The following TPST1 variants were observed in gnomAD, a reference collection of about 807,000 sequenced individuals.
The protein encoded by TPST1 is protein-tyrosine sulfotransferase 1.
A neutral mutation model predicts 34.8 loss-of-function variants in TPST1; 20 were observed. The ratio of observed to expected loss-of-function variants is 0.57; its 90% CI spans 0.40 to 0.84. The LOEUF is 0.84. TPST1 is among the 40% of genes least tolerant of loss of function. The pLI is 0.00. For missense variants in TPST1, 353 were observed against 455.5 expected, an observed-to-expected ratio of 0.78 and a Z score of 2.05; for synonymous variants, 152 against 159.4, an observed-to-expected ratio of 0.95 and a Z score of 0.35.
At chr7:66,267,832 T>C (rs1289989414) in intron 2 of TPST1, among the ~76,000 whole-genome samples, 3 of 152,168 alleles carry the variant, frequency 2.0e-5, no homozygotes, top group Non-Finnish European at 4.4e-5. Context: ...GGAACATATA[T>C]TGGGGGAGGG....
chr7:66,323,192 T>A (rs1047316198), intron 3 of TPST1, among the ~76,000 whole-genome samples: 3 of 152,164 alleles, frequency 2.0e-5, no homozygotes, highest in Non-Finnish European at 2.9e-5. Flanking sequence ...ATTGTGTTTC[T>A]TTAGAGTTGA....
chr7:66,212,683 C>T (rs952681318), intron 1 of TPST1, among the ~76,000 whole-genome samples: 10 of 152,112 alleles, frequency 6.6e-5, no homozygotes, highest in East Asian at 1.9e-4. Context: ...TGGTCTCGAA[C>T]GCCTGACCTC....
chr7:66,358,227 G>C (rs1489771460), intron 5 of TPST1, among the ~76,000 whole-genome samples: 2 of 151,968 alleles, frequency 1.3e-5, no homozygotes, highest in East Asian at 3.8e-4. Context: ...TAGCCTGGGT[G>C]ACAGAGCGAG....
At chr7:66,310,732 A>T (rs1332247528) in intron 3 of TPST1, among the ~76,000 whole-genome samples, 1 of 152,156 alleles carries the variant, frequency 6.6e-6, no homozygotes, top group African/African-American at 2.4e-5. Flanking sequence ...CTAATACCAT[A>T]CTGGGTAAAT....
intron 2 of TPST1, among the ~76,000 whole-genome samples, chr7:66,244,704 T>C (rs1168955420): frequency 6.6e-6 from 1 of 152,212 alleles, no homozygotes; most frequent in Non-Finnish European, 1.5e-5. Flanking sequence ...ATTAAACTCA[T>C]TATGATACCA....
chr7:66,302,821 C>G (rs1455730229), intron 3 of TPST1, among the ~76,000 whole-genome samples: 1 of 152,162 alleles, frequency 6.6e-6, no homozygotes, highest in Non-Finnish European at 1.5e-5. Context: ...GAGCAGTGGT[C>G]TTTTGGGATC....
chr7:66,232,752 T>C (rs1171105492), intron 1 of TPST1, among the ~76,000 whole-genome samples: 2 of 152,218 alleles, frequency 1.3e-5, no homozygotes, highest in Non-Finnish European at 2.9e-5. Flanking sequence ...ATCTCCCACA[T>C]CAGCAGTAAC....
intron 3 of TPST1, among the ~76,000 whole-genome samples, chr7:66,348,263 G>C (rs533018898): frequency 6.6e-6 from 1 of 152,238 alleles, no homozygotes; most frequent in Non-Finnish European, 1.5e-5. Context: ...CCATACTACA[G>C]TCTAAACAGA....
At chr7:66,211,401 G>A (rs62465545) in intron 1 of TPST1, among the ~76,000 whole-genome samples, 5,531 of 152,268 alleles carry the variant, frequency 0.036, 153 homozygotes, top group East Asian at 0.079. Flanking sequence ...AAAGTGCTGG[G>A]ATTACAGGTG....
intron 2 of TPST1, among the ~76,000 whole-genome samples, chr7:66,268,964 G>A (rs534945477): frequency 9.9e-5 from 15 of 152,148 alleles, no homozygotes; most frequent in South Asian, 2.1e-4. Flanking sequence ...GTTACAGGGC[G>A]TGAGCCACCA....
intron 3 of TPST1, among the ~76,000 whole-genome samples, chr7:66,329,353 T>A (rs1393731475): frequency 6.6e-6 from 1 of 152,198 alleles, no homozygotes; most frequent in African/African-American, 2.4e-5. Flanking sequence ...AATACCTATA[T>A]ACCCTAACAG....
At chr7:66,230,742 G>T (rs185837924) in intron 1 of TPST1, among the ~76,000 whole-genome samples, 1 of 152,238 alleles carries the variant, frequency 6.6e-6, no homozygotes, top group South Asian at 2.1e-4. Flanking sequence ...GGACCCGAGC[G>T]GGTTGCCACT....
intron 1 of TPST1, among the ~76,000 whole-genome samples, chr7:66,214,799 T>C (rs1359813512): frequency 6.7e-6 from 1 of 149,970 alleles, no homozygotes; most frequent in Admixed American, 6.7e-5. Flanking sequence ...TGTGAGACCC[T>C]GCCTAAAAAA....
intron 3 of TPST1, among the ~76,000 whole-genome samples, chr7:66,309,390 A>C (rs1053506983): frequency 5.9e-5 from 9 of 152,258 alleles, no homozygotes; most frequent in African/African-American, 2.2e-4. Context: ...AATTTGACCA[A>C]GTCCAACGTT....
At chr7:66,315,925 A>G (rs1791623751) in intron 3 of TPST1, among the ~76,000 whole-genome samples, 1 of 152,170 alleles carries the variant, frequency 6.6e-6, no homozygotes, top group African/African-American at 2.4e-5. Context: ...AGCCTGACCA[A>G]CATGGAGAAA....
rs560784868 is a variant in TPST1, at chr7:66,295,785, C to T, written c.1044+9076C>T. 1.6e-4 allele frequency among the ~76,000 whole-genome samples: 25 copies of T among 152,204 alleles called. No homozygotes were observed. In the East Asian group the frequency reaches 1.7e-3, roughly 11 times the overall value. On this transcript the variant is annotated intron_variant, in intron 3 of 5. Coordinates refer to ENST00000304842, the MANE Select transcript of TPST1 (RefSeq NM_003596.4). ...CAGGTGGGATTATAGGCACATGCTA[C>T]CACGCCTGGCTAATTTTTTTTAATT...
At chr7:66,202,358 G>A (rs1438451801), upstream of TPST1, among the ~76,000 whole-genome samples, 1 of 152,172 alleles carries the variant, frequency 6.6e-6, no homozygotes, top group African/African-American at 2.4e-5. Flanking sequence ...TGCTCAGTGA[G>A]ACATCCTGCC....
At chr7:66,228,217 C>G (rs531937852) in intron 1 of TPST1, among the ~76,000 whole-genome samples, 1 of 152,116 alleles carries the variant, frequency 6.6e-6, no homozygotes, top group Non-Finnish European at 1.5e-5. Flanking sequence ...ATGTAGAAGG[C>G]TTTCATGTTA....
chr7:66,213,879 T>C (rs934486772), intron 1 of TPST1, among the ~76,000 whole-genome samples: 1 of 152,226 alleles, frequency 6.6e-6, no homozygotes, highest in South Asian at 2.1e-4. Flanking sequence ...CTTGCTACGA[T>C]GAATGACTTT....
Sources: allele counts gnomAD v4.1 joint callset (sites outside exome capture counted in the v4.1 genomes callset), GRCh38; gene constraint gnomAD v4.1.1; transcripts MANE v1.5; gene names NCBI Gene and HGNC (gene_info 2026-07-23, HGNC 2026-07-21).